Variants in APBA1 observed in about 807,000 individuals in gnomAD.
APBA1 encodes amyloid beta precursor protein binding family A member 1, also known as amyloid-beta A4 precursor protein-binding family A member 1.
Under a neutral mutation model 86.6 loss-of-function variants are expected in APBA1, and 55 were observed. The observed-to-expected ratio is 0.64, with a 90% CI of 0.51 to 0.80. The LOEUF is 0.80. Among genes scored for constraint, APBA1 ranks in the 30% least tolerant of loss-of-function variants. The pLI is 0.00. For synonymous variants in APBA1, 511 were observed against 493.9 expected (o/e 1.03, Z -0.46); for missense variants, 1,090 against 1,183.0 (o/e 0.92, Z 1.15).
At chr9:69,432,410 G>T in intron 12 of APBA1, 126 bp downstream of exon 12, 2 of 915,122 alleles carry the variant, frequency 2.2e-6, no homozygotes, top group Non-Finnish European at 1.5e-6. Flanking sequence ...TGCTTGTTGG[G>T]GAGTGTTCAG....
At chr9:69,455,632 T>C (rs991233709) in intron 8 of APBA1, among the ~76,000 whole-genome samples, 32 of 152,292 alleles carry the variant, frequency 2.1e-4, no homozygotes, top group African/African-American at 7.7e-4. Flanking sequence ...GTGCTCCTGC[T>C]GTTTGCTGGG....
chr9:69,427,593 A>AAAT lies in APBA1; in HGVS notation c.*3731_*3733dup, dbSNP rs1268752617. 1 of 152,122 alleles carries AAAT rather than the reference A, an allele frequency of 6.6e-6. No individual in the cohort carries two copies. The highest frequency in any genetic ancestry group is 1.5e-5 in the Non-Finnish European group (1 of 68,018). 9.4% of individuals were successfully genotyped at this position (152,122 alleles called of 1,614,324 possible). A position where few individuals can be genotyped will look rare whatever the true frequency, so the allele number is the denominator to read the frequency against. On this transcript the variant is annotated 3_prime_UTR_variant, in exon 13 of 13. Coordinates refer to ENST00000265381, the MANE Select transcript of APBA1 (RefSeq NM_001163.4). The stretch of plus-strand genomic sequence containing the variant: ...CTTATACAGACATTAGCGTTCAGTT[A>AAAT]AATAAAGGAAGATAGATAGCACAGT...
In APBA1 at chr9:69,658,892, A is replaced by G. The variant is rs76705661; in HGVS notation, c.-70+13261T>C. On this transcript the variant is annotated intron_variant, in intron 1 of 12. Coordinates refer to ENST00000265381, the MANE Select transcript of APBA1 (RefSeq NM_001163.4). ...GTATGGAGTATGAAACACCAACCCC[A>G]TAGATTCAGGCAGGGACAACTCTGA... is the stretch of plus-strand genomic sequence containing the variant. Among the ~76,000 whole-genome samples the G allele has an allele frequency of 4.7e-4, 71 of 152,246 alleles. 2 individuals carry two copies. The East Asian group carries it at 0.012, about 26-fold the overall frequency.
chr9:69,482,101 A>C (rs1251456132), intron 2 of APBA1, among the ~76,000 whole-genome samples: 2 of 151,906 alleles, frequency 1.3e-5, no homozygotes, highest in African/African-American at 2.4e-5. Flanking sequence ...CAATGGCAAC[A>C]AAAGCCAAAA....
At chr9:69,481,338 A>G (rs1835504373) in intron 2 of APBA1, among the ~76,000 whole-genome samples, 1 of 151,816 alleles carries the variant, frequency 6.6e-6, no homozygotes, top group Admixed American at 6.6e-5. Context: ...CAACAGACAA[A>G]CAGCCAAATC....
chr9:69,665,783 C>T (rs930422729), intron 1 of APBA1, among the ~76,000 whole-genome samples: 1 of 152,168 alleles, frequency 6.6e-6, no homozygotes, highest in African/African-American at 2.4e-5. Flanking sequence ...CAGAATCACG[C>T]TTTGTTTTCT....
At chr9:69,532,451 C>T (rs763479050) in intron 1 of APBA1, among the ~76,000 whole-genome samples, 8 of 152,128 alleles carry the variant, frequency 5.3e-5, no homozygotes, top group Non-Finnish European at 1.0e-4. Context: ...GGTCGCTTCC[C>T]GACCACCTGG....
At chr9:69,597,260 T>C (rs570074789) in intron 1 of APBA1, among the ~76,000 whole-genome samples, 2 of 152,346 alleles carry the variant, frequency 1.3e-5, no homozygotes, top group East Asian at 3.9e-4. Flanking sequence ...ATTTCTCTGA[T>C]GGCCAGTGAT....
At chr9:69,447,295 C>T (rs760728784) in intron 10 of APBA1, among the ~76,000 whole-genome samples, 28 of 152,296 alleles carry the variant, frequency 1.8e-4, no homozygotes, top group Middle Eastern at 3.4e-3. Context: ...TCCTCCTCCC[C>T]AACCCTTCTA....
intron 2 of APBA1, among the ~76,000 whole-genome samples, chr9:69,506,519 T>C (rs1012421094): frequency 3.6e-5 from 2 of 55,794 alleles, no homozygotes; most frequent in African/African-American, 1.6e-4. Context: ...CCGGGCTTGC[T>C]TAGGTAAACA....
rs1834708677 is a variant in APBA1 at position 69,435,944 on chromosome 9, AT to A, written c.2302-3269del. On this transcript the variant is annotated intron_variant, in intron 11 of 12. Transcript: ENST00000265381. The stretch of plus-strand genomic sequence containing the variant: ...CATGTAGGTCTTTAATCCATCTTGA[AT>A]TAATTTTTTATAAGGTGTAAGGAAG... 2.0e-5 allele frequency among the ~76,000 whole-genome samples: 3 copies of A among 152,152 alleles called. No individual in the cohort carries two copies. In the South Asian group the frequency reaches 6.2e-4, roughly 32 times the overall value.
chr9:69,643,990 G>T (rs539927787), intron 1 of APBA1, among the ~76,000 whole-genome samples: 1 of 152,190 alleles, frequency 6.6e-6, no homozygotes. Flanking sequence ...ACAAATATAT[G>T]CAGGGCTTGT....
At chr9:69,572,245 C>T (rs1338665220) in intron 1 of APBA1, among the ~76,000 whole-genome samples, 2 of 152,158 alleles carry the variant, frequency 1.3e-5, no homozygotes, top group African/African-American at 4.8e-5. Flanking sequence ...CCAACGTGTG[C>T]CGTCCCCCCT....
chr9:69,599,908 C>T lies in APBA1; in HGVS notation c.-70+72245G>A, dbSNP rs540211320. Reference sequence around the variant, plus strand: ...GTAAGTTTCTTTCTGGGGCTTCATGCGTTTTTACAAGACTGATTCAAAACA... The same window carrying T: ...GTAAGTTTCTTTCTGGGGCTTCATGTGTTTTTACAAGACTGATTCAAAACA... On this transcript the variant is annotated intron_variant, in intron 1 of 12. Coordinates refer to ENST00000265381, the MANE Select transcript of APBA1 (RefSeq NM_001163.4). Among the ~76,000 whole-genome samples the T allele has an allele frequency of 1.2e-4, 18 of 152,294 alleles. No individual in the cohort carries two copies. In the South Asian group the frequency reaches 3.5e-3, roughly 30 times the overall value.
At chr9:69,511,997 G>A (rs865981226) in intron 2 of APBA1, among the ~76,000 whole-genome samples, 65 of 151,442 alleles carry the variant, frequency 4.3e-4, no homozygotes, top group African/African-American at 1.4e-3. Flanking sequence ...TGGGTGCAGC[G>A]CACCAGCATG....
rs770057084 is a variant in APBA1, at chr9:69,457,039, A to C, written c.1602+14T>G. The C allele has an allele frequency of 2.5e-6, 4 of 1,611,824 alleles. No individual in the cohort carries two copies. The South Asian group carries it at 4.4e-5, about 18-fold the overall frequency. On this transcript the variant is annotated intron_variant, in intron 7 of 12. Coordinates refer to ENST00000265381, the MANE Select transcript of APBA1 (RefSeq NM_001163.4). ...CTAAGCTTCACCCTGGGAAAGGTGG[A>C]AGCCAGCTGATACCTGTGTGTCGGC...
At chr9:69,647,084 C>T (rs1385645172) in intron 1 of APBA1, among the ~76,000 whole-genome samples, 1 of 152,170 alleles carries the variant, frequency 6.6e-6, no homozygotes, top group Non-Finnish European at 1.5e-5. Context: ...TCAGGAACTC[C>T]CTACCAGGAT....
intron 10 of APBA1, among the ~76,000 whole-genome samples, chr9:69,446,383 G>C (rs1834908767): frequency 6.6e-6 from 1 of 152,068 alleles, no homozygotes; most frequent in Non-Finnish European, 1.5e-5. Flanking sequence ...CTTCACTATG[G>C]GTGGCCACGA....
chr9:69,657,689 A>G (rs1258539672), intron 1 of APBA1, among the ~76,000 whole-genome samples: 1 of 152,236 alleles, frequency 6.6e-6, no homozygotes, highest in Admixed American at 6.5e-5. Flanking sequence ...ATATACTTAC[A>G]TATATATGCA....
Sources: allele counts gnomAD v4.1 joint callset (sites outside exome capture counted in the v4.1 genomes callset), GRCh38; gene constraint gnomAD v4.1.1; transcripts MANE v1.5; gene names NCBI Gene and HGNC (gene_info 2026-07-23, HGNC 2026-07-21).